Variants in PTPRD observed in about 807,000 individuals in gnomAD.
PTPRD encodes the protein receptor-type tyrosine-protein phosphatase delta.
In PTPRD, 34 loss-of-function variants were observed where a neutral mutation model predicts 214.5. That is an observed-to-expected ratio of 0.16 (90% confidence interval 0.12 to 0.21). The LOEUF (loss-of-function observed/expected upper bound fraction) is 0.21. PTPRD is among the 10% of genes least tolerant of loss of function. The pLI, the probability that PTPRD is intolerant of heterozygous loss-of-function variation, is 1.00. For synonymous variants in PTPRD, 1,128 were observed against 845.7 expected (o/e 1.33, Z -5.79); for missense variants, 2,545 against 2,398.7 (o/e 1.06, Z -1.27).
chr9:9,828,451 T>G (rs1054081854), intron 5 of PTPRD, among the ~76,000 whole-genome samples: 46 of 152,078 alleles, frequency 3.0e-4, no homozygotes, highest in African/African-American at 1.0e-3. Context: ...AATTGAACAA[T>G]GAGAACACAT....
intron 11 of PTPRD, among the ~76,000 whole-genome samples, chr9:8,863,331 C>A (rs1461497034): frequency 2.6e-5 from 4 of 152,152 alleles, no homozygotes; most frequent in African/African-American, 9.7e-5. Flanking sequence ...TAGACTGGGG[C>A]ATTCCATTAA....
At chr9:8,449,528 A>G (rs893270893) in intron 34 of PTPRD, among the ~76,000 whole-genome samples, 197 bp downstream of exon 34, 2 of 152,162 alleles carry the variant, frequency 1.3e-5, no homozygotes, top group African/African-American at 2.4e-5. Context: ...TTTCTTCCCT[A>G]CCCAATTTCC....
intron 11 of PTPRD, among the ~76,000 whole-genome samples, chr9:8,888,695 C>T (rs1047818328): frequency 8.5e-5 from 13 of 152,144 alleles, no homozygotes; most frequent in African/African-American, 3.1e-4. Flanking sequence ...AAAATATCAC[C>T]TCAGAGGGAT....
intron 11 of PTPRD, among the ~76,000 whole-genome samples, chr9:8,757,968 A>G (rs2094139156): frequency 6.6e-6 from 1 of 152,138 alleles, no homozygotes; most frequent in Admixed American, 6.6e-5. Context: ...GTTGGGCTGA[A>G]TGGGTGTTAC....
At chr9:9,848,369 T>C (rs1274007529) in intron 5 of PTPRD, among the ~76,000 whole-genome samples, 1 of 152,114 alleles carries the variant, frequency 6.6e-6, no homozygotes, top group East Asian at 1.9e-4. Flanking sequence ...AGAAATGCAT[T>C]TCAAAAGTAG....
chr9:9,483,906 T>C (rs1486715562), intron 8 of PTPRD, among the ~76,000 whole-genome samples: 13 of 151,806 alleles, frequency 8.6e-5, no homozygotes, highest in Non-Finnish European at 1.5e-5. Context: ...TCCCTTTGTA[T>C]CCTATCACGT....
chr9:9,063,035 G>C (rs995379228), intron 10 of PTPRD, among the ~76,000 whole-genome samples: 1 of 152,120 alleles, frequency 6.6e-6, no homozygotes, highest in Middle Eastern at 3.2e-3. Context: ...ACTTATCTGG[G>C]CAGTATGTCT....
chr9:9,003,561 T>C (rs765570506), intron 11 of PTPRD, among the ~76,000 whole-genome samples: 4 of 152,038 alleles, frequency 2.6e-5, no homozygotes, highest in Non-Finnish European at 4.4e-5. Flanking sequence ...TCAGTGTTCA[T>C]TTTGGATGTC....
chr9:10,430,982 T>A (rs543753181), intron 2 of PTPRD, among the ~76,000 whole-genome samples: 45 of 151,926 alleles, frequency 3.0e-4, no homozygotes, highest in Non-Finnish European at 5.3e-4. Context: ...TATACATAAA[T>A]AATAACCTAT....
chr9:10,555,403 T>C (rs897765392), intron 2 of PTPRD, among the ~76,000 whole-genome samples: 1 of 152,208 alleles, frequency 6.6e-6, no homozygotes, highest in African/African-American at 2.4e-5. Context: ...AGGAAGATAT[T>C]ACCTATTACA....
chr9:9,786,755 T>C (rs2098927538), intron 5 of PTPRD, among the ~76,000 whole-genome samples: 1 of 152,124 alleles, frequency 6.6e-6, no homozygotes, highest in South Asian at 2.1e-4. Flanking sequence ...ACATGTACCC[T>C]AGAACTTAAA....
At chr9:9,575,121 C>G (rs2088015346) in intron 7 of PTPRD, among the ~76,000 whole-genome samples, 1 of 152,124 alleles carries the variant, frequency 6.6e-6, no homozygotes, top group South Asian at 2.1e-4. Flanking sequence ...ATTAATTTAA[C>G]AATGTCAGAT....
At chr9:9,058,236 T>G (rs935360983) in intron 10 of PTPRD, among the ~76,000 whole-genome samples, 4 of 152,022 alleles carry the variant, frequency 2.6e-5, no homozygotes, top group African/African-American at 9.7e-5. Flanking sequence ...CAATTTCACC[T>G]ATCAACCGAG....
chr9:10,105,860 G>T (rs922455537), intron 3 of PTPRD, among the ~76,000 whole-genome samples: 1 of 151,240 alleles, frequency 6.6e-6, no homozygotes, highest in Non-Finnish European at 1.5e-5. Context: ...GGTAGCCAAG[G>T]GTCTTACATG....
chr9:9,605,129 A>G (rs2094062861), intron 7 of PTPRD, among the ~76,000 whole-genome samples: 1 of 152,110 alleles, frequency 6.6e-6, no homozygotes, highest in South Asian at 2.1e-4. Context: ...AGATTCACAT[A>G]ACGTATACAC....
rs149073311 is a variant in PTPRD, at chr9:9,759,315, C to T, written c.-326+7495G>A. Reference sequence around the variant, plus strand: ...CCATTGGTAAACTGGCACTGACTGCCGCAAACCCCAGCCCCTAGTGCTCTG... The same window carrying T: ...CCATTGGTAAACTGGCACTGACTGCTGCAAACCCCAGCCCCTAGTGCTCTG... On this transcript the variant is annotated intron_variant, in intron 6 of 45. Coordinates refer to ENST00000381196, the MANE Select transcript of PTPRD (RefSeq NM_002839.4). Among the ~76,000 whole-genome samples, 185 of 152,128 alleles carry T rather than the reference C, an allele frequency of 1.2e-3. 1 individual carries two copies. Among genetic ancestry groups the T allele is most frequent in the African/African-American group, 4.2e-3 (174 of 41,516 alleles).
chr9:9,441,018 G>C (rs906423593), intron 8 of PTPRD, among the ~76,000 whole-genome samples: 3 of 152,178 alleles, frequency 2.0e-5, no homozygotes, highest in African/African-American at 7.2e-5. Context: ...GAGCTGAAAT[G>C]TCCTGTGAGA....
chr9:10,466,372 T>C (rs933198141), intron 2 of PTPRD, among the ~76,000 whole-genome samples: 15 of 152,108 alleles, frequency 9.9e-5, no homozygotes, highest in Non-Finnish European at 1.8e-4. Flanking sequence ...GCCTGTAATC[T>C]CAGCACTTTG....
intron 35 of PTPRD, among the ~76,000 whole-genome samples, chr9:8,433,950 G>A (rs904302005): frequency 6.6e-6 from 1 of 152,018 alleles, no homozygotes. Flanking sequence ...CTCCATTCAT[G>A]CTAAGTGTCC....
Sources: allele counts gnomAD v4.1 joint callset (sites outside exome capture counted in the v4.1 genomes callset), GRCh38; gene constraint gnomAD v4.1.1; transcripts MANE v1.5; gene names NCBI Gene and HGNC (gene_info 2026-07-23, HGNC 2026-07-21).